Variants in NF1 observed in about 807,000 individuals in gnomAD.
The protein encoded by NF1 is neurofibromin.
NF1 carries 122 observed loss-of-function variants against 325.7 expected under a neutral mutation model. The observed-to-expected ratio is 0.37, with a 90% confidence interval of 0.32 to 0.44. The LOEUF is 0.44. Among genes scored for constraint, NF1 ranks in the 20% least tolerant of loss-of-function variants. The pLI is 1.00. For missense variants in NF1, 2,140 were observed against 3,415.4 expected (o/e 0.63, Z 9.31); for synonymous variants, 1,091 against 1,186.0 (o/e 0.92, Z 1.65).
In NF1 at chr17:31,374,197, T is replaced by A. The variant is rs2151601802; in HGVS notation, c.*42T>A. 1 of 1,612,932 alleles carries A rather than the reference T, an allele frequency of 6.2e-7. No homozygotes were observed. The highest frequency in any genetic ancestry group is 8.5e-7 in the Non-Finnish European group (1 of 1,179,092). On this transcript the variant is annotated 3_prime_UTR_variant, in exon 58 of 58. Transcript: ENST00000358273. ...TTTTTAAAATCAACTTAACATGGGC[T>A]CTTCACTAGTGACCCCTTCCCTGTC... is the stretch of plus-strand genomic sequence containing the variant.
chr17:31,132,653 C>G (rs1426901732), intron 1 of NF1, among the ~76,000 whole-genome samples: 1 of 152,080 alleles, frequency 6.6e-6, no homozygotes, highest in African/African-American at 2.4e-5. Context: ...TTTCCCCTAA[C>G]TTTTTAATGT....
At chr17:31,264,392 C>G (rs1442225956) in intron 35 of NF1, among the ~76,000 whole-genome samples, 2 of 144,066 alleles carry the variant, frequency 1.4e-5, no homozygotes, top group Non-Finnish European at 3.0e-5. Flanking sequence ...GCCTGGTCAA[C>G]AAGAGCAAAA....
chr17:31,143,276 C>T (rs961880509), intron 1 of NF1, among the ~76,000 whole-genome samples: 4 of 151,778 alleles, frequency 2.6e-5, no homozygotes, highest in Non-Finnish European at 5.9e-5. Context: ...CACGGACACA[C>T]ACACTCTTTG....
Position 31,181,691 on chromosome 17 carries a change from T to C in NF1, c.655-19T>C, listed in dbSNP as rs200394588. On this transcript the variant is annotated intron_variant, in intron 6 of 57. Transcript: ENST00000358273. ...ATTACAAAAAATCACTGTAAAGACA[T>C]GTGGTTCTTTATTTATAGGCATTTT... 8 of 1,559,846 alleles carry C rather than the reference T, an allele frequency of 5.1e-6. No individual in the cohort carries two copies. Among genetic ancestry groups the C allele is most frequent in the Middle Eastern group, 1.7e-4 (1 of 5,858 alleles).
intron 8 of NF1, among the ~76,000 whole-genome samples, chr17:31,194,925 CATA>C (rs1261723465): frequency 1.3e-5 from 2 of 152,070 alleles, no homozygotes; most frequent in African/African-American, 4.8e-5. Flanking sequence ...GTATAATTAA[CATA>C]ATATGCATTA....
intron 1 of NF1, among the ~76,000 whole-genome samples, chr17:31,154,232 T>A (rs994511041): frequency 2.0e-5 from 3 of 151,882 alleles, no homozygotes; most frequent in Non-Finnish European, 4.4e-5. Context: ...ACTTTTTGTA[T>A]TTTTAGTAGA....
rs369069188 is a variant in NF1, at chr17:31,360,722, T to G, written c.8377+19T>G. On this transcript the variant is annotated intron_variant, in intron 57 of 57. Coordinates refer to ENST00000358273, the MANE Select transcript of NF1 (RefSeq NM_001042492.3). ...TCCCCAGGTCAGTAAATGTGATCTT[T>G]ATATGACTTTGAGCAACAATATAAG... is the stretch of plus-strand genomic sequence containing the variant. The G allele has an allele frequency of 1.3e-6, 2 of 1,588,008 alleles. No individual in the cohort carries two copies. The highest frequency in any genetic ancestry group is 8.6e-7 in the Non-Finnish European group (1 of 1,156,288).
At chr17:31,359,328 G>A in intron 56 of NF1, 1 of 352,226 alleles carries the variant, frequency 2.8e-6, no homozygotes, top group Middle Eastern at 8.8e-4. Flanking sequence ...CACACAGTTA[G>A]ATATCTTATG....
intron 36 of NF1, among the ~76,000 whole-genome samples, chr17:31,292,188 C>G (rs568331695): frequency 1.9e-4 from 29 of 151,990 alleles, no homozygotes; most frequent in Non-Finnish European, 3.1e-4. Context: ...TAGAGCCAAG[C>G]CTTAGAGATG....
In NF1 at chr17:31,095,618, C is replaced by T. The variant is rs1219196585; in HGVS notation, c.60+249C>T. Among the ~76,000 whole-genome samples, 7 of 152,270 alleles carry T rather than the reference C, an allele frequency of 4.6e-5. No homozygotes were observed. In the East Asian group the frequency reaches 1.2e-3, roughly 25 times the overall value. ...CGGGGGGTGGGGCCTTGTCCCTGACCAGCCTCCGACCCTCCATCCCCTTTA... is the reference window on the plus strand; with the variant it reads ...CGGGGGGTGGGGCCTTGTCCCTGACTAGCCTCCGACCCTCCATCCCCTTTA... On this transcript the variant is annotated intron_variant, in intron 1 of 57. Coordinates refer to ENST00000358273, the MANE Select transcript of NF1 (RefSeq NM_001042492.3).
intron 36 of NF1, chr17:31,313,849 A>G: frequency 2.6e-6 from 1 of 390,768 alleles, no homozygotes; most frequent in Non-Finnish European, 4.5e-6. Context: ...ATTCTATGCA[A>G]CAAAACCACA....
intron 47 of NF1, 90 bp from the exon 48 acceptor site, chr17:31,342,919 T>G: frequency 6.7e-7 from 1 of 1,483,208 alleles, no homozygotes; most frequent in Admixed American, 1.7e-5. Flanking sequence ...ATTACTTATC[T>G]TGTCATACTA....
At chr17:31,188,239 C>T (rs1007818036) in intron 8 of NF1, among the ~76,000 whole-genome samples, 5 of 152,186 alleles carry the variant, frequency 3.3e-5, no homozygotes, top group Non-Finnish European at 7.3e-5. Flanking sequence ...ATACCAGCTA[C>T]GACTGCATGA....
At chr17:31,154,921 G>A (rs1417682944) in intron 1 of NF1, among the ~76,000 whole-genome samples, 1 of 151,736 alleles carries the variant, frequency 6.6e-6, no homozygotes, top group Non-Finnish European at 1.5e-5. Flanking sequence ...TGTATTTTTA[G>A]TAGAGTCTGG....
Position 31,201,034 on chromosome 17 carries a change from T to C in NF1, c.1063-3T>C, listed in dbSNP as rs758206740. ...CTTTTGTTTTCTGTTGGGGTTTTTA[T>C]AGAACCTGCTTTTTAATCCAAGTAA... On this transcript the variant is annotated splice_region_variant and splice_polypyrimidine_tract_variant and intron_variant, in intron 9 of 57. Transcript: ENST00000358273. 10 of 1,613,300 alleles carry C rather than the reference T, an allele frequency of 6.2e-6. No homozygotes were observed. In the South Asian group the frequency reaches 1.1e-4, roughly 18 times the overall value.
intron 1 of NF1, among the ~76,000 whole-genome samples, chr17:31,142,866 C>CAA (rs34391793): frequency 5.1e-5 from 7 of 138,240 alleles, no homozygotes; most frequent in African/African-American, 1.7e-4. Flanking sequence ...GACTCTGTCT[C>CAA]AAAAAAAAAA....
chr17:31,117,630 G>A (rs1317963077), intron 1 of NF1, among the ~76,000 whole-genome samples: 3 of 119,408 alleles, frequency 2.5e-5, no homozygotes, highest in Non-Finnish European at 4.8e-5. Context: ...CCAAGACTGC[G>A]CCTCTGCACT....
At chr17:31,371,414 C>T (rs533559464) in intron 57 of NF1, among the ~76,000 whole-genome samples, 3 of 152,060 alleles carry the variant, frequency 2.0e-5, no homozygotes, top group African/African-American at 4.8e-5. Flanking sequence ...TGTAGAGATA[C>T]GCAAGACAAT....
At chr17:31,296,739 G>T (rs2068474102) in intron 36 of NF1, 2 of 219,056 alleles carry the variant, frequency 9.1e-6, no homozygotes, top group Non-Finnish European at 1.8e-5. Context: ...AGAAAAAATG[G>T]CTGTCGTGTC....
Sources: allele counts gnomAD v4.1 joint callset (sites outside exome capture counted in the v4.1 genomes callset), GRCh38; gene constraint gnomAD v4.1.1; transcripts MANE v1.5; gene names NCBI Gene and HGNC (gene_info 2026-07-23, HGNC 2026-07-21).